Variants in C9 observed in about 807,000 individuals in gnomAD.
C9 encodes the protein complement C9.
In C9, 63 loss-of-function variants were observed where a neutral mutation model predicts 65.4. The observed-to-expected ratio is 0.96, with a 90% CI of 0.79 to 1.19. The LOEUF (loss-of-function observed/expected upper bound fraction) is 1.19. Among genes scored for constraint, C9 ranks in the 50% most tolerant of loss-of-function variants. C9 has a pLI of 0.00. For missense variants in C9, 744 were observed against 670.1 expected (o/e 1.11, Z -1.22); for synonymous variants, 229 against 227.9 (o/e 1.00, Z -0.04).
chr5:39,363,177 T>A (rs184895883), intron 1 of C9, among the ~76,000 whole-genome samples: 36 of 152,294 alleles, frequency 2.4e-4, no homozygotes, highest in Admixed American at 2.2e-3. Context: ...CCAAATCCCT[T>A]TTGTGCCCAG....
At chr5:39,295,270 C>G (rs763967892) in intron 9 of C9, among the ~76,000 whole-genome samples, 2 of 151,582 alleles carry the variant, frequency 1.3e-5, no homozygotes, top group African/African-American at 2.4e-5. Context: ...TTAAATTGTC[C>G]CTGTTTGCAG....
intron 1 of C9, among the ~76,000 whole-genome samples, chr5:39,343,752 A>G (rs752477601): frequency 2.6e-4 from 40 of 152,306 alleles, no homozygotes; most frequent in Admixed American, 4.6e-4. Flanking sequence ...ATCCCCAAGT[A>G]GCCTAACTGG....
In C9 at chr5:39,306,748, T is replaced by C; in HGVS notation, c.1285A>G (p.Ile429Val). ...GCATATTTTCTGGTTCCACCTCTTA[T>C]GAGTGAAACAACATCATCTATGAGG... ...ENLIDDVVSLIRGGTRKYAFE... is the reference protein window; with the variant it reads ...ENLIDDVVSLVRGGTRKYAFE... Residue 429 changes from isoleucine (I) to valine (V), a missense_variant, in exon 9 of 11, where the codon ATA (isoleucine) becomes GTA (valine). Transcript: ENST00000263408. The C allele has an allele frequency of 6.2e-7, 1 of 1,612,478 alleles. No homozygotes were observed. Among genetic ancestry groups the C allele is most frequent in the African/African-American group, 1.3e-5 (1 of 74,998 alleles).
chr5:39,341,335 A>G (rs201284225), intron 3 of C9, 42 bp from the exon 4 acceptor site: 1 of 1,609,370 alleles, frequency 6.2e-7, no homozygotes, highest in East Asian at 2.2e-5. Flanking sequence ...TCTAATGTCA[A>G]ATTTTCTCTT....
At chr5:39,321,529 A>G (rs1753667540) in intron 5 of C9, among the ~76,000 whole-genome samples, 1 of 152,042 alleles carries the variant, frequency 6.6e-6, no homozygotes, top group Non-Finnish European at 1.5e-5. Flanking sequence ...AACATACAAA[A>G]CAACCAGAAA....
chr5:39,332,016 T>C (rs1433798891), intron 4 of C9, among the ~76,000 whole-genome samples: 1 of 152,200 alleles, frequency 6.6e-6, no homozygotes, highest in African/African-American at 2.4e-5. Context: ...GAGAGGCTTA[T>C]GAACTCTTTT....
rs1754581641 is a variant in C9 at position 39,364,473 on chromosome 5, T to C, written c.-9A>G. ...CTCCGGCAGGCTGACATGCTGCTCTTGCTGGGTGGCTGCGAGTGGGGTGGC... is the reference window on the plus strand; with the variant it reads ...CTCCGGCAGGCTGACATGCTGCTCTCGCTGGGTGGCTGCGAGTGGGGTGGC... On this transcript the variant is annotated 5_prime_UTR_variant, in exon 1 of 11. Transcript: ENST00000263408. The C allele has an allele frequency of 6.3e-7, 1 of 1,592,194 alleles. No homozygotes were observed. Among genetic ancestry groups the C allele is most frequent in the African/African-American group, 1.3e-5 (1 of 74,672 alleles).
chr5:39,319,078 C>T (rs1194924007), intron 5 of C9, among the ~76,000 whole-genome samples: 1 of 152,116 alleles, frequency 6.6e-6, no homozygotes, highest in African/African-American at 2.4e-5. Flanking sequence ...AGACATCACA[C>T]ACACTCCCTT....
chr5:39,300,819 T>G (rs1312572163), intron 9 of C9, among the ~76,000 whole-genome samples: 1 of 152,164 alleles, frequency 6.6e-6, no homozygotes, highest in African/African-American at 2.4e-5. Context: ...ATACCATGTA[T>G]AGAAAGACAG....
intron 7 of C9, among the ~76,000 whole-genome samples, chr5:39,309,392 G>A (rs193019714): frequency 1.6e-4 from 25 of 152,188 alleles, no homozygotes; most frequent in African/African-American, 5.5e-4. Context: ...AGGAGTATCA[G>A]GGGTAGACAT....
chr5:39,334,211 G>C (rs1001338115), intron 4 of C9, among the ~76,000 whole-genome samples: 1 of 150,808 alleles, frequency 6.6e-6, no homozygotes, highest in Non-Finnish European at 1.5e-5. Flanking sequence ...AGTGAGGAGC[G>C]TCTCTGCCCG....
intron 9 of C9, among the ~76,000 whole-genome samples, chr5:39,294,070 G>A (rs1203092092): frequency 6.6e-6 from 1 of 151,670 alleles, no homozygotes; most frequent in African/African-American, 2.4e-5. Context: ...TAGTAAGAGG[G>A]AAGTTTATAG....
chr5:39,302,042 T>C (rs1289951605), intron 9 of C9, among the ~76,000 whole-genome samples: 1 of 151,980 alleles, frequency 6.6e-6, no homozygotes, highest in African/African-American at 2.4e-5. Context: ...GATACAGGAA[T>C]AGAGGGTCAT....
chr5:39,361,923 A>G (rs968303466), intron 1 of C9, among the ~76,000 whole-genome samples: 3 of 152,238 alleles, frequency 2.0e-5, no homozygotes, highest in African/African-American at 7.2e-5. Context: ...GGCTAGCTGT[A>G]ATTCCAACCC....
intron 5 of C9, among the ~76,000 whole-genome samples, chr5:39,319,054 C>T (rs1753623481): frequency 6.6e-6 from 1 of 152,040 alleles, no homozygotes; most frequent in African/African-American, 2.4e-5. Flanking sequence ...TTCCCCCCAA[C>T]CCTCCCATAG....
chr5:39,298,991 T>C (rs1263675833), intron 9 of C9, among the ~76,000 whole-genome samples: 1 of 151,890 alleles, frequency 6.6e-6, no homozygotes, highest in East Asian at 1.9e-4. Flanking sequence ...ATTCAACATC[T>C]ATTTATGACA....
intron 9 of C9, among the ~76,000 whole-genome samples, chr5:39,304,346 T>A (rs1480500490): frequency 6.6e-6 from 1 of 152,170 alleles, no homozygotes; most frequent in South Asian, 2.1e-4. Context: ...GAGGTTCTAG[T>A]AATTCTTCAA....
At chr5:39,319,124 TTAA>T (rs572929521) in intron 5 of C9, among the ~76,000 whole-genome samples, 60 of 152,248 alleles carry the variant, frequency 3.9e-4, no homozygotes, top group African/African-American at 1.4e-3. Flanking sequence ...CTCAGGTTGA[TTAA>T]TTCCCACTCC....
intron 4 of C9, among the ~76,000 whole-genome samples, chr5:39,334,296 C>G (rs10941431): frequency 0.17 from 25,359 of 149,122 alleles, 2,516 homozygotes; most frequent in Non-Finnish European, 0.23. Context: ...CGCCTCTGCC[C>G]GGCCGCAACC....
Sources: gnomAD v4.1 joint callset for allele counts (sites outside exome capture counted in the v4.1 genomes callset) on GRCh38, gnomAD v4.1.1 for gene constraint, MANE v1.5 for transcripts, NCBI Gene and HGNC (gene_info 2026-07-23, HGNC 2026-07-21) for gene names.